The following SCIN variants were observed in gnomAD, a reference collection of about 807,000 sequenced individuals.
SCIN encodes the protein adseverin.
In SCIN, 91 loss-of-function variants were observed where a neutral mutation model predicts 91.8. The ratio of observed to expected loss-of-function variants is 0.99; its 90% CI spans 0.84 to 1.18. The LOEUF (loss-of-function observed/expected upper bound fraction) is 1.18, where lower values mean the gene tolerates loss of function less well. SCIN is among the 50% of genes most tolerant of loss of function. The pLI, the probability that SCIN is intolerant of heterozygous loss-of-function variation, is 0.00. For missense variants in SCIN, 1,087 were observed against 863.9 expected (o/e 1.26, Z -3.24); for synonymous variants, 367 against 312.6 (o/e 1.17, Z -1.84).
At chr7:12,573,447 C>G (rs559683078) in intron 1 of SCIN, among the ~76,000 whole-genome samples, 1 of 152,090 alleles carries the variant, frequency 6.6e-6, no homozygotes, top group African/African-American at 2.4e-5. Flanking sequence ...CTTTCTTGGT[C>G]TCTCCCTCAG....
intron 3 of SCIN, among the ~76,000 whole-genome samples, chr7:12,597,877 A>G (rs538048152): frequency 3.3e-4 from 50 of 152,326 alleles, no homozygotes; most frequent in African/African-American, 1.2e-3. Flanking sequence ...GAGGATGTTC[A>G]TATACAATAT....
At chr7:12,642,969 T>C (rs1783886273) in intron 11 of SCIN, among the ~76,000 whole-genome samples, 1 of 152,190 alleles carries the variant, frequency 6.6e-6, no homozygotes, top group Non-Finnish European at 1.5e-5. Flanking sequence ...CGGATTCTTC[T>C]GTGTTTAATT....
chr7:12,616,181 G>C (rs371679535), intron 4 of SCIN, among the ~76,000 whole-genome samples: 2 of 152,082 alleles, frequency 1.3e-5, no homozygotes, highest in Non-Finnish European at 2.9e-5. Context: ...AAGTTACTGA[G>C]ACTAATAATG....
chr7:12,630,639 A>T (rs560535496), intron 9 of SCIN, among the ~76,000 whole-genome samples: 7 of 152,362 alleles, frequency 4.6e-5, no homozygotes, highest in African/African-American at 1.7e-4. Flanking sequence ...TGTCGTCTTA[A>T]TAGCAACCAT....
chr7:12,620,481 G>A (rs2115268216), intron 4 of SCIN, among the ~76,000 whole-genome samples: 1 of 151,998 alleles, frequency 6.6e-6, no homozygotes, highest in South Asian at 2.1e-4. Flanking sequence ...ATTTCACTTA[G>A]CATAATATAC....
Position 12,578,135 on chromosome 7 carries a change from G to A in SCIN, c.271G>A (p.Gly91Ser). 1.3e-6 allele frequency: 2 copies of A among 1,551,268 alleles called. No homozygotes were observed. Among genetic ancestry groups the A allele is most frequent in the Non-Finnish European group, 1.7e-6 (2 of 1,146,682 alleles). Residue 91 changes from glycine to serine, a missense_variant, in exon 2 of 16, where the codon GGC becomes AGC. By Grantham distance (56) the Gly-to-Ser change is moderately conservative. Transcript: ENST00000297029. ...TGTTCAGATGGATGACTATTTGGGT[G>A]GCAAGCCAGTGCAGAATAGAGAACT... ...FTVQMDDYLG[G>S]KPVQNRELQG... is the part of the protein sequence containing the mutation.
intron 11 of SCIN, among the ~76,000 whole-genome samples, chr7:12,641,479 G>C (rs1783858568): frequency 6.6e-6 from 1 of 151,862 alleles, no homozygotes; most frequent in South Asian, 2.1e-4. Context: ...CCGTCCTCTA[G>C]ACCTCTTGTG....
chr7:12,630,838 C>T (rs1402690705), intron 9 of SCIN, among the ~76,000 whole-genome samples: 1 of 152,170 alleles, frequency 6.6e-6, no homozygotes, highest in African/African-American at 2.4e-5. Context: ...CTGAGTATAT[C>T]AATACCAGGT....
chr7:12,653,419 T>C lies in SCIN; in HGVS notation c.*704T>C, dbSNP rs552948351. ...GTAATGCCTTGGAAGTTATTCTCTT[T>C]TCTATAGATTGTGTTCAAAAGATGT... On this transcript the variant is annotated 3_prime_UTR_variant, in exon 16 of 16. Coordinates refer to ENST00000297029, the MANE Select transcript of SCIN (RefSeq NM_001112706.3). This position sits in a 1 kb window ranked among gnomAD's most constrained non-coding sequence, Gnocchi z 4.1. The C allele has an allele frequency of 6.6e-6, 1 of 152,276 alleles. No individual in the cohort carries two copies. Among genetic ancestry groups the C allele is most frequent in the East Asian group, 1.9e-4 (1 of 5,182 alleles). The allele number at this position is 152,276 out of a possible 1,614,324, so 9.4% of individuals were successfully genotyped here. A position where few individuals can be genotyped will look rare whatever the true frequency, so the allele number is the denominator to read the frequency against.
At chr7:12,614,429 T>G (rs1783258965) in intron 4 of SCIN, among the ~76,000 whole-genome samples, 1 of 152,162 alleles carries the variant, frequency 6.6e-6, no homozygotes, top group Admixed American at 6.5e-5. Context: ...ATTTAACTCT[T>G]AAAACCCTTA....
Position 12,657,572 on chromosome 7 carries a change from A to ATATATATATAT in SCIN, c.*4858_*4859insATATATATATT, listed in dbSNP as rs1554298408. On this transcript the variant is annotated 3_prime_UTR_variant, in exon 16 of 16. Coordinates refer to ENST00000297029, the MANE Select transcript of SCIN (RefSeq NM_001112706.3). ...TATATATATATATATATATATATAT[A>ATATATATATAT]TTTTTTTTTTTTTTTTTTTTTTTTT... 9.1e-5 allele frequency: 2 copies of ATATATATATAT among 22,080 alleles called. No homozygotes were observed. Among genetic ancestry groups the ATATATATATAT allele is most frequent in the Non-Finnish European group, 2.6e-4 (2 of 7,720 alleles). The allele number at this position is 22,080 out of a possible 1,614,324, so 1.4% of individuals were successfully genotyped here.
Position 12,657,570 on chromosome 7 carries a change from A to ATTTTTTTTTTTT in SCIN, c.*4856_*4857insTTTTTTTTTTTT, listed in dbSNP as rs1784191469. 2 of 20,864 alleles carry ATTTTTTTTTTTT rather than the reference A, an allele frequency of 9.6e-5. No individual in the cohort carries two copies. The highest frequency in any genetic ancestry group is 1.1e-4 in the African/African-American group (1 of 8,932). 1.3% of individuals were successfully genotyped at this position (20,864 alleles called of 1,614,324 possible). On this transcript the variant is annotated 3_prime_UTR_variant, in exon 16 of 16. Transcript: ENST00000297029. ...TATATATATATATATATATATATAT[A>ATTTTTTTTTTTT]TATTTTTTTTTTTTTTTTTTTTTTT...
chr7:12,579,081 C>A (rs1196788719), intron 2 of SCIN, among the ~76,000 whole-genome samples: 1 of 151,806 alleles, frequency 6.6e-6, no homozygotes, highest in Non-Finnish European at 1.5e-5. Flanking sequence ...GTTCTGCACA[C>A]CCCACTGCCC....
At chr7:12,571,121 CT>C in intron 1 of SCIN, 136 bp downstream of exon 1, 1 of 995,386 alleles carries the variant, frequency 1.0e-6, no homozygotes. Flanking sequence ...CGGGGCTGCC[CT>C]TTGGGGCCGG....
Position 12,651,879 on chromosome 7 carries a change from GA to G in SCIN, c.2004del (p.Glu669AsnfsTer3). ...WIGKDANEVE[K>X]KESLKSAKMY... The stretch of plus-strand genomic sequence containing the variant: ...TTGGCAAAGATGCTAATGAAGTTGA[GA>G]AAAAAGAATCTCTGAAGTCTGGTAA... On this transcript the variant is annotated frameshift_variant, in exon 15 of 16. Coordinates refer to ENST00000297029, the MANE Select transcript of SCIN (RefSeq NM_001112706.3). LOFTEE classifies it high-confidence loss of function. The surrounding 1 kb of genome is among the most constrained non-coding windows in gnomAD (Gnocchi z 5.9). The G allele has an allele frequency of 1.2e-6, 2 of 1,603,124 alleles. No homozygotes were observed. The highest frequency in any genetic ancestry group is 1.7e-5 in the Admixed American group (1 of 59,080).
At chr7:12,584,518 C>T (rs563846099) in intron 3 of SCIN, among the ~76,000 whole-genome samples, 14 of 152,112 alleles carry the variant, frequency 9.2e-5, no homozygotes, top group African/African-American at 3.1e-4. Flanking sequence ...TAAATATTCC[C>T]GGACATTACA....
rs556534058 is a variant in SCIN, at chr7:12,651,257, A to C, written c.1960-584A>C. 6.6e-6 allele frequency among the ~76,000 whole-genome samples: 1 copy of C among 152,308 alleles called. No individual in the cohort carries two copies. The highest frequency in any genetic ancestry group is 2.4e-5 in the African/African-American group (1 of 41,562). ...AAACCTCACATAAAGTATAGATGGT[A>C]AATGTTTCTTTCAGACCTTTAAGAG... On this transcript the variant is annotated intron_variant, in intron 14 of 15. Coordinates refer to ENST00000297029, the MANE Select transcript of SCIN (RefSeq NM_001112706.3). This position sits in a 1 kb window ranked among gnomAD's most constrained non-coding sequence, Gnocchi z 5.9.
rs1428476379 is a variant in SCIN, at chr7:12,626,910, T to C, written c.1197+111T>C. 4.3e-6 allele frequency: 4 copies of C among 932,182 alleles called. No individual in the cohort carries two copies. In the African/African-American group the frequency reaches 6.7e-5, roughly 16 times the overall value. The allele number at this position is 932,182 out of a possible 1,614,324, so 57.7% of individuals were successfully genotyped here. ...TTCGAGATCAGCCTGGCCAACATGGTGAAACCCCACCTCTACTCAAAATAC... is the reference window on the plus strand; with the variant it reads ...TTCGAGATCAGCCTGGCCAACATGGCGAAACCCCACCTCTACTCAAAATAC... On this transcript the variant is annotated intron_variant, in intron 8 of 15. Transcript: ENST00000297029.
Position 12,644,609 on chromosome 7 carries a change from G to C in SCIN, c.1785G>C (p.Gly595=). The part of the protein sequence containing the change: ...EPEEFWNSLG[G]KKDYQTSPLL... ...AGGAGTTCTGGAATTCCCTTGGAGG[G>C]AAAAAAGACTACCAGACCTCACCAC... The change falls in exon 13 of 16, where the codon GGG becomes GGC. Residue 595 remains glycine, a synonymous_variant. Coordinates refer to ENST00000297029, the MANE Select transcript of SCIN (RefSeq NM_001112706.3). 6.2e-7 allele frequency: 1 copy of C among 1,610,054 alleles called. No individual in the cohort carries two copies. Among genetic ancestry groups the C allele is most frequent in the Non-Finnish European group, 8.5e-7 (1 of 1,178,144 alleles).
Sources: gnomAD v4.1 joint callset for allele counts (sites outside exome capture counted in the v4.1 genomes callset) on GRCh38, gnomAD v4.1.1 for gene constraint, Gnocchi (gnomAD v3.1) non-coding constraint, MANE v1.5 for transcripts, NCBI Gene and HGNC (gene_info 2026-07-23, HGNC 2026-07-21) for gene names.